The following AFF3 variants were observed in gnomAD, a reference collection of about 807,000 sequenced individuals.
The protein encoded by AFF3 is ALF transcription elongation factor 3, also known as AF4/FMR2 family member 3.
Under a neutral mutation model 129.7 loss-of-function variants are expected in AFF3, and 32 were observed. The ratio of observed to expected loss-of-function variants is 0.25; its 90% confidence interval spans 0.19 to 0.33. The LOEUF (loss-of-function observed/expected upper bound fraction) is 0.33. Ranked by LOEUF, AFF3 falls within the 10% of genes least tolerant of loss-of-function variation. The pLI is 1.00. For missense variants in AFF3, 1,373 were observed against 1,592.0 expected, an observed-to-expected ratio of 0.86 and a Z score of 2.34; for synonymous variants, 644 against 635.4, an observed-to-expected ratio of 1.01 and a Z score of -0.20.
rs1285873258 is a variant in AFF3, at chr2:99,790,946, T to C, written c.922-38645A>G. On this transcript the variant is annotated intron_variant, in intron 8 of 24. Coordinates refer to ENST00000672756, the MANE Select transcript of AFF3 (RefSeq NM_001386135.1). ...GGATAAAGAAATTATGATATACCCA[T>C]AGAATGGAACGCTTCTCAGCAACAG... Among the ~76,000 whole-genome samples the C allele has an allele frequency of 3.1e-4, 47 of 152,130 alleles. 1 individual carries two copies. The highest frequency in any genetic ancestry group is 3.1e-3 in the Admixed American group (47 of 15,282).
intron 4 of AFF3, among the ~76,000 whole-genome samples, chr2:100,090,967 G>T (rs1448792231): frequency 1.3e-5 from 2 of 152,220 alleles, no homozygotes; most frequent in Non-Finnish European, 2.9e-5. Flanking sequence ...TGGGATTACA[G>T]GCGTGAGCCA....
chr2:99,795,733 C>A (rs1043176911), intron 8 of AFF3, among the ~76,000 whole-genome samples: 8 of 151,770 alleles, frequency 5.3e-5, no homozygotes, highest in Non-Finnish European at 8.8e-5. Context: ...CGTGTAGCAA[C>A]TCTCCTCTCC....
intron 13 of AFF3, among the ~76,000 whole-genome samples, chr2:99,622,596 A>C (rs1472200669): frequency 6.6e-6 from 1 of 152,234 alleles, no homozygotes; most frequent in Non-Finnish European, 1.5e-5. Context: ...CATCACAGAG[A>C]ATGTGAGCAA....
chr2:99,836,287 G>A (rs1688868339), intron 8 of AFF3, among the ~76,000 whole-genome samples: 1 of 152,170 alleles, frequency 6.6e-6, no homozygotes, highest in Non-Finnish European at 1.5e-5. Flanking sequence ...ATGAAAGTAT[G>A]TTGAAAGAGA....
intron 7 of AFF3, among the ~76,000 whole-genome samples, chr2:99,886,841 T>C (rs921477858): frequency 1.3e-5 from 2 of 152,234 alleles, no homozygotes; most frequent in Non-Finnish European, 1.5e-5. Context: ...ACCATATGTA[T>C]TTAGGATACT....
At position 99,578,221 on chromosome 2, in the gene AFF3, C is replaced by A. The variant is rs913114362; in HGVS notation, c.2918+106G>T. On this transcript the variant is annotated intron_variant, in intron 18 of 24. Transcript: ENST00000672756. ...ACCAAGTCCCAGGGGAAAAAAAGGC[C>A]GCACTGTAGCTGAAGGTGGCCACAC... 2.4e-5 allele frequency: 34 copies of A among 1,431,038 alleles called. 1 individual carries two copies. The African/African-American group carries it at 3.8e-4, about 16-fold the overall frequency. The allele number at this position is 1,431,038 out of a possible 1,614,324, so 88.6% of individuals were successfully genotyped here. A position where few individuals can be genotyped will look rare whatever the true frequency, so the allele number is the denominator to read the frequency against.
At chr2:100,104,249 C>G (rs1224335686) in intron 4 of AFF3, among the ~76,000 whole-genome samples, 153 bp downstream of exon 4, 4 of 150,902 alleles carry the variant, frequency 2.7e-5, no homozygotes, top group Non-Finnish European at 4.5e-5. Flanking sequence ...CCCGGGGAGG[C>G]AGAAAAGGGC....
intron 22 of AFF3, among the ~76,000 whole-genome samples, chr2:99,555,812 C>A (rs563849044): frequency 6.6e-6 from 1 of 152,214 alleles, no homozygotes; most frequent in Non-Finnish European, 1.5e-5. Context: ...ATTAAAATGG[C>A]AAGAAATGGC....
intron 11 of AFF3, 138 bp from the exon 12 acceptor site, chr2:99,672,727 T>C: frequency 1.2e-6 from 1 of 809,916 alleles, no homozygotes; most frequent in Non-Finnish European, 1.9e-6. Flanking sequence ...CTATTTTTTT[T>C]CTTTCCTTCT....
At chr2:99,652,707 C>T (rs1685378786) in intron 12 of AFF3, among the ~76,000 whole-genome samples, 1 of 152,112 alleles carries the variant, frequency 6.6e-6, no homozygotes, top group Admixed American at 6.5e-5. Flanking sequence ...GCTTAGTTTC[C>T]AAACCACCCT....
chr2:100,064,324 G>A (rs1398038931), intron 4 of AFF3, among the ~76,000 whole-genome samples: 1 of 152,158 alleles, frequency 6.6e-6, no homozygotes, highest in African/African-American at 2.4e-5. Context: ...ATGAGAAAGA[G>A]TAGCTGGAGC....
rs1674602827 is a variant in AFF3, at chr2:99,937,262, A to G, written c.873+69370T>C. Among the ~76,000 whole-genome samples the G allele has an allele frequency of 2.0e-5, 3 of 152,154 alleles. 1 individual carries two copies. The highest frequency in any genetic ancestry group is 4.4e-5 in the Non-Finnish European group (3 of 68,036). On this transcript the variant is annotated intron_variant, in intron 7 of 24. Coordinates refer to ENST00000672756, the MANE Select transcript of AFF3 (RefSeq NM_001386135.1). ...TGGATTTTGGATTTTCAGATTTGGG[A>G]TGCTCAACCTGGATAAGAGCCAGTG... is the stretch of plus-strand genomic sequence containing the variant.
rs576190377 is a variant in AFF3, at chr2:99,606,909, G to A, written c.1185-5288C>T. 4.2e-4 allele frequency among the ~76,000 whole-genome samples: 38 copies of A among 89,832 alleles called. 1 individual carries two copies. The South Asian group carries it at 5.6e-3, about 13-fold the overall frequency. The allele number at this position is 89,832 out of a possible 152,430, so 58.9% of individuals were successfully genotyped here. A position where few individuals can be genotyped will look rare whatever the true frequency, so the allele number is the denominator to read the frequency against. On this transcript the variant is annotated intron_variant, in intron 13 of 24. Transcript: ENST00000672756. The stretch of plus-strand genomic sequence containing the variant: ...AGCCTGGGCGACAGAGCAAGACTCC[G>A]TCTCACAAAAAAAAAAAAAAAAAAA...
chr2:99,973,430 C>A (rs1425810138), intron 7 of AFF3, among the ~76,000 whole-genome samples: 2 of 152,226 alleles, frequency 1.3e-5, no homozygotes, highest in African/African-American at 4.8e-5. Context: ...CACTTTCCCA[C>A]CACCTAAGTC....
intron 13 of AFF3, among the ~76,000 whole-genome samples, chr2:99,620,592 G>A (rs1458052449): frequency 6.6e-6 from 1 of 152,178 alleles, no homozygotes; most frequent in East Asian, 1.9e-4. Context: ...TTGTACTACT[G>A]CATTCCAGCC....
intron 2 of AFF3, among the ~76,000 whole-genome samples, chr2:100,112,930 C>G (rs771140731): frequency 1.4e-4 from 22 of 152,342 alleles, no homozygotes; most frequent in Middle Eastern, 3.4e-3. Flanking sequence ...TTGGCACAGA[C>G]AGTTACAATT....
chr2:99,954,743 C>A (rs1369745942), intron 7 of AFF3, among the ~76,000 whole-genome samples: 2 of 119,968 alleles, frequency 1.7e-5, no homozygotes, highest in African/African-American at 6.7e-5. Context: ...GGAAGGGGAA[C>A]ATCACACTCT....
intron 7 of AFF3, among the ~76,000 whole-genome samples, chr2:99,867,836 C>G (rs535911156): frequency 6.6e-6 from 1 of 152,130 alleles, no homozygotes; most frequent in African/African-American, 2.4e-5. Flanking sequence ...TACACAGTGA[C>G]GCATCCACTG....
At chr2:100,017,813 T>A (rs896380477) in intron 4 of AFF3, among the ~76,000 whole-genome samples, 2 of 152,214 alleles carry the variant, frequency 1.3e-5, no homozygotes, top group Non-Finnish European at 2.9e-5. Context: ...CACTTAGATG[T>A]GAAGCCAGGC....
Sources: allele counts gnomAD v4.1 joint callset (sites outside exome capture counted in the v4.1 genomes callset), GRCh38; gene constraint gnomAD v4.1.1; transcripts MANE v1.5; gene names NCBI Gene and HGNC (gene_info 2026-07-23, HGNC 2026-07-21).